WAPL: variants seen among roughly 807,000 people sequenced by gnomAD.
The protein encoded by WAPL is WAPL cohesin release factor, also known as wings apart-like protein homolog.
WAPL carries 5 observed loss-of-function variants against 121.0 expected under a neutral mutation model. The observed-to-expected ratio is 0.04, with a 90% CI of 0.02 to 0.09. The LOEUF is 0.09. WAPL is among the 10% of genes least tolerant of loss of function. The probability of loss-of-function intolerance (pLI) is 1.00; values close to 1 mark genes in which losing one functional copy is unlikely to be tolerated. For missense variants in WAPL, 999 were observed against 1,410.8 expected (o/e 0.71, Z 4.68); for synonymous variants, 480 against 481.5 (o/e 1.00, Z 0.04).
intron 13 of WAPL, 124 bp downstream of exon 13, chr10:86,453,532 A>C (rs1841053098): frequency 1.6e-6 from 2 of 1,259,426 alleles, no homozygotes; most frequent in South Asian, 3.1e-5. Flanking sequence ...CCTACACATG[A>C]GTAAGTCAAG....
chr10:86,452,923 C>T (rs893761771), intron 14 of WAPL, among the ~76,000 whole-genome samples: 2 of 150,422 alleles, frequency 1.3e-5, no homozygotes, highest in Non-Finnish European at 3.0e-5. Context: ...GCCTACAGTC[C>T]CAGCACCTGG....
chr10:86,465,497 C>T (rs1015921106), intron 9 of WAPL, among the ~76,000 whole-genome samples: 9 of 152,196 alleles, frequency 5.9e-5, no homozygotes, highest in East Asian at 1.9e-4. Flanking sequence ...TGAGCCACAC[C>T]GCCCAGCCTG....
In WAPL at chr10:86,500,007, T is replaced by A. The variant is rs763158800; in HGVS notation, c.1236A>T (p.Arg412Ser). The A allele has an allele frequency of 6.2e-7, 1 of 1,614,158 alleles. No homozygotes were observed. The highest frequency in any genetic ancestry group is 1.7e-5 in the Admixed American group (1 of 60,006). The change falls in exon 3 of 19, where the codon AGA (arginine) becomes AGT (serine). Residue 412 changes from arginine to serine, a missense_variant. By Grantham distance (110) the Arg-to-Ser change is moderately radical. Around this residue, in one of 7 missense-constraint regions of WAPL, gnomAD observed 531 missense variants for 563.1 expected, o/e 0.94. Transcript: ENST00000298767. Reference sequence around the variant, plus strand: ...TGGATTTAGTATTACTAGGTCGAAATCTAGTAGTAGTCTTAGAAGTTGCAA... The same window carrying A: ...TGGATTTAGTATTACTAGGTCGAAAACTAGTAGTAGTCTTAGAAGTTGCAA... ...ADIATSKTTT[R>S]FRPSNTKSKK...
chr10:86,472,410 A>T lies in WAPL; in HGVS notation c.1894-66T>A. 2 of 1,558,544 alleles carry T rather than the reference A, an allele frequency of 1.3e-6. No individual in the cohort carries two copies. The highest frequency in any genetic ancestry group is 1.7e-6 in the Non-Finnish European group (2 of 1,159,370). ...CTAGCATATTTAAATCTATGGGCTC[A>T]CTGTACTTTACATAAGTGCATAAAA... On this transcript the variant is annotated intron_variant, in intron 6 of 18. Transcript: ENST00000298767. The surrounding 1 kb of genome is among the most constrained non-coding windows in gnomAD (Gnocchi z 4.2).
At chr10:86,443,526 A>T in intron 16 of WAPL, 163 bp from the exon 17 acceptor site, 1 of 496,850 alleles carries the variant, frequency 2.0e-6, no homozygotes, top group Non-Finnish European at 3.5e-6. Flanking sequence ...AATCAAAATG[A>T]AATAGGGATC....
In WAPL at chr10:86,518,023, C is replaced by T. The variant is rs776922402; in HGVS notation, c.47G>A (p.Gly16Asp). The part of the protein sequence containing the change: ...GKTYSRKGGN[G>D]SSKFDEVFSN... ...AAAGACTTCATCGAATTTTGAACTG[C>T]CATTTCCACCTTTCCTACTGTATGT... Residue 16 changes from glycine (G) to aspartate (D), a missense_variant, in exon 2 of 19, where the codon GGC becomes GAC. Around this residue, in one of 7 missense-constraint regions of WAPL, gnomAD observed 30 missense variants for 56.4 expected, o/e 0.53. Transcript: ENST00000298767. 2 of 1,614,040 alleles carry T rather than the reference C, an allele frequency of 1.2e-6. No homozygotes were observed. Among genetic ancestry groups the T allele is most frequent in the African/African-American group, 1.3e-5 (1 of 74,936 alleles).
chr10:86,447,096 A>G (rs940295525), intron 15 of WAPL, among the ~76,000 whole-genome samples: 3 of 152,224 alleles, frequency 2.0e-5, no homozygotes, highest in African/African-American at 7.2e-5. Flanking sequence ...TTACACTCAT[A>G]CTACTACTAA....
chr10:86,501,535 T>TA (rs1198520286), intron 2 of WAPL, among the ~76,000 whole-genome samples: 1 of 152,222 alleles, frequency 6.6e-6, no homozygotes, highest in Non-Finnish European at 1.5e-5. Context: ...ATGTATACCC[T>TA]ATGCCAAACA....
rs1849619098 is a variant in WAPL at position 86,446,367 on chromosome 10, T to C, written c.3197A>G (p.His1066Arg). Residue 1066 changes from histidine (H) to arginine (R), a missense_variant, in exon 16 of 19, where the codon CAT becomes CGT. His to Arg is a conservative substitution (Grantham distance 29). This residue lies in a region of WAPL where 126 missense variants were observed against 144.0 expected (regional missense o/e 0.87). Coordinates refer to ENST00000298767, the MANE Select transcript of WAPL (RefSeq NM_015045.5). ...TTCTTGCCACTCTCCACTCTTATCA[T>C]GCTGAGTGGTGGGAGCATCTTTGAT... is the stretch of plus-strand genomic sequence containing the variant. ...ELIKDAPTTQHDKSGEWQETS... is the reference protein window; with the variant it reads ...ELIKDAPTTQRDKSGEWQETS... 6.2e-7 allele frequency: 1 copy of C among 1,614,222 alleles called. No homozygotes were observed. The highest frequency in any genetic ancestry group is 8.5e-7 in the Non-Finnish European group (1 of 1,180,034).
chr10:86,488,554 T>C (rs1233311311), intron 4 of WAPL: 1 of 151,964 alleles, frequency 6.6e-6, no homozygotes, highest in Non-Finnish European at 1.5e-5. Flanking sequence ...TTAAAGAAAA[T>C]AGAATGTAAG....
intron 2 of WAPL, 102 bp downstream of exon 2, chr10:86,517,469 G>A (rs1170982962): frequency 1.1e-5 from 15 of 1,417,222 alleles, no homozygotes; most frequent in Non-Finnish European, 1.3e-5. Context: ...TGTATCATAA[G>A]TGCAGAAAGA....
chr10:86,500,679 A>T lies in WAPL; in HGVS notation c.564T>A (p.Asp188Glu). ...KNSHHIHKNA[D>E]DSTKKPNAET... ...CTGCATTGGGTTTCTTAGTACTGTCATCAGCATTTTTGTGAATATGGTGAC... is the reference window on the plus strand; with the variant it reads ...CTGCATTGGGTTTCTTAGTACTGTCTTCAGCATTTTTGTGAATATGGTGAC... The change falls in exon 3 of 19, where the codon GAT becomes GAA. Residue 188 changes from aspartate to glutamate, a missense_variant. Asp to Glu is a conservative substitution (Grantham distance 45). Around this residue, in one of 7 missense-constraint regions of WAPL, gnomAD observed 531 missense variants for 563.1 expected, o/e 0.94. Transcript: ENST00000298767. The T allele has an allele frequency of 6.2e-7, 1 of 1,604,602 alleles. No individual in the cohort carries two copies. Among genetic ancestry groups the T allele is most frequent in the Non-Finnish European group, 8.5e-7 (1 of 1,177,818 alleles).
chr10:86,514,098 T>C (rs1407200561), intron 2 of WAPL, among the ~76,000 whole-genome samples: 1 of 152,232 alleles, frequency 6.6e-6, no homozygotes, highest in Non-Finnish European at 1.5e-5. Flanking sequence ...GGTTTGGGTT[T>C]CTAAATTTCA....
At chr10:86,491,722 C>G (rs1842052347) in intron 4 of WAPL, among the ~76,000 whole-genome samples, 1 of 147,222 alleles carries the variant, frequency 6.8e-6, no homozygotes, top group Admixed American at 6.7e-5. Flanking sequence ...AAATATAAAA[C>G]AACTTCAACT....
At chr10:86,499,652 C>G in intron 3 of WAPL, 66 bp downstream of exon 3, 1 of 1,494,906 alleles carries the variant, frequency 6.7e-7, no homozygotes, top group Non-Finnish European at 8.9e-7. Context: ...ATTGAAACCA[C>G]AGAAAGTGAA....
chr10:86,476,319 G>A (rs929875425), intron 4 of WAPL, among the ~76,000 whole-genome samples: 3 of 151,428 alleles, frequency 2.0e-5, no homozygotes, highest in African/African-American at 7.3e-5. Context: ...GATCTGAGAT[G>A]GTGCCATTGC....
rs1268462275 is a variant in WAPL, at chr10:86,452,016, T to C, written c.3065A>G (p.Asp1022Gly). 1 of 1,614,168 alleles carries C rather than the reference T, an allele frequency of 6.2e-7. No individual in the cohort carries two copies. Among genetic ancestry groups the C allele is most frequent in the South Asian group, 1.1e-5 (1 of 91,082 alleles). The change falls in exon 15 of 19, where the codon GAT becomes GGT. Residue 1022 changes from aspartate (D) to glycine (G), a missense_variant. Asp to Gly is a moderately conservative substitution (Grantham distance 94). Coordinates refer to ENST00000298767, the MANE Select transcript of WAPL (RefSeq NM_015045.5). ...AACTTGTCCACCTATCCTTAAACTA[T>C]CATCCCCTTCTCCACTACAGATGGA... ...DSSICSGEGD[D>G]SLRIGGQVHA...
At chr10:86,474,935 T>C (rs920139979) in intron 4 of WAPL, among the ~76,000 whole-genome samples, 1 of 152,126 alleles carries the variant, frequency 6.6e-6, no homozygotes, top group Non-Finnish European at 1.5e-5. Context: ...TTTATCAAGG[T>C]AAATATAATA....
chr10:86,502,256 G>T (rs1476482794), intron 2 of WAPL, among the ~76,000 whole-genome samples: 1 of 152,150 alleles, frequency 6.6e-6, no homozygotes, highest in Non-Finnish European at 1.5e-5. Flanking sequence ...ATACTATGCA[G>T]TTGTTAAAAA....
Sources: allele counts gnomAD v4.1 joint callset (sites outside exome capture counted in the v4.1 genomes callset), GRCh38; gene constraint gnomAD v4.1.1; regional missense constraint gnomAD v4.1.1; non-coding constraint Gnocchi (gnomAD v3.1); transcripts MANE v1.5; gene names NCBI Gene and HGNC (gene_info 2026-07-23, HGNC 2026-07-21).